Variants in SEC22A observed in about 807,000 individuals in gnomAD.
SEC22A encodes vesicle-trafficking protein SEC22a.
SEC22A carries 22 observed loss-of-function variants against 35.3 expected under a neutral mutation model. That is an observed-to-expected ratio of 0.62 (90% confidence interval 0.45 to 0.89). The LOEUF (loss-of-function observed/expected upper bound fraction) is 0.89. Among genes scored for constraint, SEC22A ranks in the 40% least tolerant of loss-of-function variants. The pLI, the probability that SEC22A is intolerant of heterozygous loss-of-function variation, is 0.00. For missense variants in SEC22A, 354 were observed against 362.5 expected (o/e 0.98, Z 0.19); for synonymous variants, 119 against 129.5 (o/e 0.92, Z 0.55).
intron 4 of SEC22A, among the ~76,000 whole-genome samples, chr3:123,242,495 C>G (rs1937532755): frequency 8.2e-6 from 1 of 122,134 alleles, no homozygotes; most frequent in South Asian, 2.6e-4. Flanking sequence ...TTCTTTTTCC[C>G]CATTTCTTTT....
Position 123,236,838 on chromosome 3 carries a change from T to C in SEC22A, c.542-9061T>C, listed in dbSNP as rs1937429278. Among the ~76,000 whole-genome samples, 4 of 151,856 alleles carry C rather than the reference T, an allele frequency of 2.6e-5. No individual in the cohort carries two copies. The South Asian group carries it at 8.3e-4, about 32-fold the overall frequency. On this transcript the variant is annotated intron_variant, in intron 4 of 6. Coordinates refer to ENST00000492595, the MANE Select transcript of SEC22A (RefSeq NM_012430.5). ...GCACACACACACACACGCACACATA[T>C]GCACGATCTGATAGAAACAATGAAA...
chr3:123,228,179 G>A (rs1365414701), intron 4 of SEC22A, among the ~76,000 whole-genome samples: 3 of 152,014 alleles, frequency 2.0e-5, no homozygotes, highest in South Asian at 2.1e-4. Context: ...AGTTGGTCAG[G>A]GGTGGTAGGG....
intron 1 of SEC22A, among the ~76,000 whole-genome samples, chr3:123,202,756 C>CT (rs1323138760): frequency 6.6e-6 from 1 of 152,186 alleles, no homozygotes; most frequent in Admixed American, 6.5e-5. Context: ...CCTCCTATGC[C>CT]TATTCAGCCA....
At chr3:123,222,203 GCTT>G (rs1189521520) in intron 2 of SEC22A, among the ~76,000 whole-genome samples, 1 of 151,192 alleles carries the variant, frequency 6.6e-6, no homozygotes, top group South Asian at 2.1e-4. Context: ...TATCTCTTTA[GCTT>G]CTTTTTTTTT....
Position 123,206,206 on chromosome 3 carries a change from T to G in SEC22A, c.-19-2993T>G, listed in dbSNP as rs190683734. Among the ~76,000 whole-genome samples the G allele has an allele frequency of 3.3e-3, 496 of 152,280 alleles. 1 individual carries two copies. The highest frequency in any genetic ancestry group is 6.5e-3 in the Admixed American group (99 of 15,288). ...CACCATTGCCTTGAACTCCTGGGCCTGCTTCAGCCTCCCCAAAGCAAGTAC... is the reference window on the plus strand; with the variant it reads ...CACCATTGCCTTGAACTCCTGGGCCGGCTTCAGCCTCCCCAAAGCAAGTAC... On this transcript the variant is annotated intron_variant, in intron 1 of 6. Transcript: ENST00000492595.
intron 2 of SEC22A, among the ~76,000 whole-genome samples, chr3:123,217,029 T>C (rs1937038441): frequency 6.6e-6 from 1 of 151,878 alleles, no homozygotes. Flanking sequence ...GCATCTCACT[T>C]TGTTGTCTAG....
At chr3:123,210,290 G>T (rs920873361) in intron 2 of SEC22A, among the ~76,000 whole-genome samples, 5 of 152,180 alleles carry the variant, frequency 3.3e-5, no homozygotes. Flanking sequence ...GGGTAGTAAT[G>T]AATAGAAGTA....
intron 6 of SEC22A, among the ~76,000 whole-genome samples, chr3:123,266,998 A>G (rs1312939918): frequency 1.3e-5 from 2 of 152,086 alleles, no homozygotes; most frequent in Non-Finnish European, 2.9e-5. Context: ...ATCATTATAT[A>G]TGTTCCTCTC....
chr3:123,253,060 A>T (rs1038026910), intron 5 of SEC22A, among the ~76,000 whole-genome samples: 1 of 152,224 alleles, frequency 6.6e-6, no homozygotes, highest in South Asian at 2.1e-4. Flanking sequence ...AATTACATTA[A>T]TTAGGCTAAT....
intron 4 of SEC22A, among the ~76,000 whole-genome samples, chr3:123,234,686 T>C (rs1462911496): frequency 6.6e-6 from 1 of 152,170 alleles, no homozygotes; most frequent in African/African-American, 2.4e-5. Flanking sequence ...TTGTATAATC[T>C]TATATTAGGT....
intron 5 of SEC22A, among the ~76,000 whole-genome samples, chr3:123,255,094 T>C (rs573463215): frequency 2.4e-4 from 37 of 152,312 alleles, no homozygotes; most frequent in African/African-American, 8.9e-4. Context: ...TTATGTACCC[T>C]CTCTGCCTCA....
rs1576488480 is a variant in SEC22A, at chr3:123,223,471, G to GT, written c.183-85dup. 3.9e-6 allele frequency: 4 copies of GT among 1,027,298 alleles called. No homozygotes were observed. The East Asian group carries it at 7.2e-5, about 19-fold the overall frequency. The allele number at this position is 1,027,298 out of a possible 1,614,324, so 63.6% of individuals were successfully genotyped here. ...GATCTTCATTGCCACCGTAGTAGCA[G>GT]TTTATGGTGTATAGAACCAGTCTTG... On this transcript the variant is annotated intron_variant, in intron 2 of 6. Coordinates refer to ENST00000492595, the MANE Select transcript of SEC22A (RefSeq NM_012430.5).
At chr3:123,241,308 A>ATTC (rs1559758998) in intron 4 of SEC22A, among the ~76,000 whole-genome samples, 2 of 152,180 alleles carry the variant, frequency 1.3e-5, no homozygotes, top group Non-Finnish European at 2.9e-5. Context: ...TCACTGATGA[A>ATTC]AAGAATAGTG....
intron 4 of SEC22A, among the ~76,000 whole-genome samples, chr3:123,239,526 G>A (rs1937487168): frequency 6.6e-6 from 1 of 151,694 alleles, no homozygotes; most frequent in Admixed American, 6.6e-5. Flanking sequence ...CATTCTAACT[G>A]GTGTGAGATG....
chr3:123,202,831 AG>A (rs1426965998), intron 1 of SEC22A, among the ~76,000 whole-genome samples: 2 of 152,204 alleles, frequency 1.3e-5, no homozygotes, highest in Non-Finnish European at 2.9e-5. Context: ...ATCTTCAGTC[AG>A]GGGAACAGCC....
intron 2 of SEC22A, among the ~76,000 whole-genome samples, chr3:123,209,960 G>A (rs1481544986): frequency 6.6e-6 from 1 of 152,180 alleles, no homozygotes; most frequent in African/African-American, 2.4e-5. Context: ...CAGTGGAGAA[G>A]CCCTTTTTTA....
intron 4 of SEC22A, among the ~76,000 whole-genome samples, chr3:123,245,573 C>T (rs565326773): frequency 1.3e-5 from 2 of 152,090 alleles, no homozygotes; most frequent in South Asian, 4.2e-4. Context: ...GTGGCACGTG[C>T]CTGTAATCGT....
At chr3:123,249,995 CAG>C (rs901465325) in intron 5 of SEC22A, among the ~76,000 whole-genome samples, 1 of 152,180 alleles carries the variant, frequency 6.6e-6, no homozygotes, top group African/African-American at 2.4e-5. Context: ...TGTCAGGAAT[CAG>C]GGGCAGAGGA....
At chr3:123,267,559 G>C (rs547747893) in intron 6 of SEC22A, among the ~76,000 whole-genome samples, 2 of 152,192 alleles carry the variant, frequency 1.3e-5, no homozygotes, top group Non-Finnish European at 2.9e-5. Flanking sequence ...ACATCAGCCA[G>C]TGTTATAATG....
Sources: allele counts gnomAD v4.1 joint callset (sites outside exome capture counted in the v4.1 genomes callset), GRCh38; gene constraint gnomAD v4.1.1; transcripts MANE v1.5; gene names NCBI Gene and HGNC (gene_info 2026-07-23, HGNC 2026-07-21).